Variants in OTC observed in about 807,000 individuals in gnomAD.
OTC encodes ornithine transcarbamylase, mitochondrial.
OTC carries 3 observed loss-of-function variants against 30.3 expected under a neutral mutation model. The observed-to-expected ratio is 0.10, with a 90% confidence interval of 0.05 to 0.26. The LOEUF (loss-of-function observed/expected upper bound fraction) is 0.26, where lower values mean the gene tolerates loss of function less well. OTC is among the 10% of genes least tolerant of loss of function. OTC has a pLI of 1.00. For missense variants in OTC, 194 were observed against 260.3 expected (o/e 0.75, Z 1.75); for synonymous variants, 111 against 99.7 (o/e 1.11, Z -0.67).
intron 1 of OTC, among the ~76,000 whole-genome samples, chrX:38,361,549 A>G (rs774297292): frequency 3.7e-4 from 41 of 112,025 alleles, no homozygotes; most frequent in African/African-American, 1.3e-3. Flanking sequence ...AGGAACTCTC[A>G]CAGATATTAC....
chrX:38,387,508 T>G (rs2068410176), intron 4 of OTC, among the ~76,000 whole-genome samples: 1 of 111,738 alleles, frequency 8.9e-6, no homozygotes, highest in African/African-American at 3.3e-5. Context: ...TGGTCTGAGT[T>G]GCATTTTGTA....
At chrX:38,342,214 G>T in the OTC span, among the ~76,000 whole-genome samples, 2 of 107,432 alleles carry the variant, frequency 1.9e-5, no homozygotes, top group South Asian at 4.1e-4. Context: ...GTAGAGCCGG[G>T]GTTTCACCAC....
At chrX:38,344,240 TAC>T in the OTC span, among the ~76,000 whole-genome samples, 754 of 61,625 alleles carry the variant, frequency 0.012, 6 homozygotes, top group East Asian at 0.022. Flanking sequence ...TATATATATA[TAC>T]ACACACACAC....
intron 4 of OTC, among the ~76,000 whole-genome samples, chrX:38,384,513 A>G (rs1417912332): frequency 1.8e-5 from 2 of 112,527 alleles, no homozygotes; most frequent in Non-Finnish European, 3.8e-5. Flanking sequence ...AGATGTAAGG[A>G]AGCAAATCTT....
intron 9 of OTC, among the ~76,000 whole-genome samples, chrX:38,413,826 T>G (rs1028840473): frequency 1.8e-5 from 2 of 109,689 alleles, no homozygotes; most frequent in Admixed American, 2.0e-4. Flanking sequence ...GGTGACACCA[T>G]GCATAGCTAA....
chrX:38,371,141 C>G (rs1451635209), intron 3 of OTC, among the ~76,000 whole-genome samples: 1 of 111,776 alleles, frequency 8.9e-6, no homozygotes, highest in Non-Finnish European at 1.9e-5. Context: ...ATTTCTGTTG[C>G]TTCTCCTCTC....
At chrX:38,377,936 A>G (rs1220927853) in intron 3 of OTC, among the ~76,000 whole-genome samples, 1 of 109,639 alleles carries the variant, frequency 9.1e-6, no homozygotes, top group African/African-American at 3.3e-5. Context: ...TCCCGAGTTC[A>G]AGTGATCCTC....
intron 3 of OTC, chrX:38,373,785 CT>C (rs1435188907): frequency 1.8e-5 from 2 of 112,484 alleles, no homozygotes; most frequent in Non-Finnish European, 3.7e-5. Flanking sequence ...TATTTATACT[CT>C]TTTTACCAAA....
intron 4 of OTC, 39 bp downstream of exon 4, chrX:38,381,468 A>G (rs752337648): frequency 6.2e-5 from 53 of 853,156 alleles, no homozygotes; most frequent in South Asian, 4.1e-5. Flanking sequence ...CTGATTTCAG[A>G]ATCTGATGGA....
At chrX:38,388,568 G>C (rs2068415671) in intron 4 of OTC, among the ~76,000 whole-genome samples, 1 of 110,840 alleles carries the variant, frequency 9.0e-6, no homozygotes, top group Non-Finnish European at 1.9e-5. Flanking sequence ...ACAGCAAGTG[G>C]GGCATTATCA....
At chrX:38,342,278 G>T in the OTC span, among the ~76,000 whole-genome samples, 4 of 110,454 alleles carry the variant, frequency 3.6e-5, no homozygotes, top group African/African-American at 1.3e-4. Context: ...GCCTCAAAGT[G>T]CTGGGATTAC....
At chrX:38,339,313 A>G in the OTC span, among the ~76,000 whole-genome samples, 1 of 111,234 alleles carries the variant, frequency 9.0e-6, no homozygotes, top group African/African-American at 3.3e-5. Context: ...GACCTCTCAC[A>G]AATCTAGTAA....
At chrX:38,331,431 GTTTTTTTTTTGT>G in the OTC span, among the ~76,000 whole-genome samples, 20 of 73,449 alleles carry the variant, frequency 2.7e-4, no homozygotes, top group African/African-American at 1.1e-3. Context: ...TTTTTTTTTT[GTTTTTTTTTTGT>G]TTTTTTTTTT....
At chrX:38,383,092 T>A (rs73196230) in intron 4 of OTC, among the ~76,000 whole-genome samples, 4 of 101,240 alleles carry the variant, frequency 4.0e-5, no homozygotes, top group Non-Finnish European at 2.0e-5. Context: ...CTGCTTACAG[T>A]TTTTTTTTTT....
chrX:38,352,833 A>G, intron 1 of OTC, 60 bp downstream of exon 1: 1 of 840,795 alleles, frequency 1.2e-6, no homozygotes, highest in Non-Finnish European at 1.8e-6. Context: ...ATAAAACTAT[A>G]TTCTGCAGTA....
chrX:38,363,681 T>G (rs1383856159), intron 1 of OTC, among the ~76,000 whole-genome samples: 2 of 111,652 alleles, frequency 1.8e-5, no homozygotes, highest in Non-Finnish European at 3.8e-5. Context: ...GCTTCCAAAG[T>G]TATCAAATTG....
the OTC span, among the ~76,000 whole-genome samples, chrX:38,330,073 T>C: frequency 8.9e-6 from 1 of 112,210 alleles, no homozygotes; most frequent in African/African-American, 3.2e-5. Flanking sequence ...ATTAACCAGG[T>C]AAGCCCAATT....
intron 1 of OTC, among the ~76,000 whole-genome samples, chrX:38,355,787 T>C (rs1232996005): frequency 8.9e-6 from 1 of 112,374 alleles, no homozygotes; most frequent in Non-Finnish European, 1.9e-5. Context: ...TTGTAATCCC[T>C]GCACTTTGGG....
chrX:38,346,197 CA>C, the OTC span, among the ~76,000 whole-genome samples: 1 of 111,686 alleles, frequency 9.0e-6, no homozygotes, highest in Non-Finnish European at 1.9e-5. Context: ...AATAAGGACA[CA>C]AAAAGATGCT....
Sources: gnomAD v4.1 joint callset for allele counts (sites outside exome capture counted in the v4.1 genomes callset) on GRCh38, gnomAD v4.1.1 for gene constraint, MANE v1.5 for transcripts, NCBI Gene and HGNC (gene_info 2026-07-23, HGNC 2026-07-21) for gene names.